The following ANO4 variants were observed in gnomAD, a reference collection of about 807,000 sequenced individuals.
ANO4 encodes anoctamin 4.
ANO4 carries 69 observed loss-of-function variants against 141.9 expected under a neutral mutation model. The observed-to-expected ratio is 0.49, with a 90% confidence interval of 0.40 to 0.59. ANO4 has a LOEUF of 0.59. Among genes scored for constraint, ANO4 ranks in the 20% least tolerant of loss-of-function variants. The probability of loss-of-function intolerance (pLI) is 0.00; values close to 1 mark genes in which losing one functional copy is unlikely to be tolerated. For missense variants in ANO4, 894 were observed against 1,162.2 expected (o/e 0.77, Z 3.36); for synonymous variants, 350 against 394.3 (o/e 0.89, Z 1.33).
chr12:101,120,699 T>C, intron 26 of ANO4, 74 bp downstream of exon 26: 1 of 1,169,546 alleles, frequency 8.6e-7, no homozygotes, highest in Non-Finnish European at 1.3e-6. Context: ...TAAAAATAAG[T>C]GATGGGGATT....
At chr12:100,997,503 C>T (rs930321295) in intron 8 of ANO4, among the ~76,000 whole-genome samples, 5 of 151,348 alleles carry the variant, frequency 3.3e-5, no homozygotes, top group African/African-American at 9.7e-5. Flanking sequence ...ATTCGAGATG[C>T]ATTAAACAGA....
intron 3 of ANO4, among the ~76,000 whole-genome samples, chr12:100,762,241 G>A (rs547591093): frequency 6.6e-6 from 1 of 152,182 alleles, no homozygotes; most frequent in South Asian, 2.1e-4. Flanking sequence ...TGAGAGGCAG[G>A]TGCAGATGCT....
chr12:100,914,178 A>G lies in ANO4; in HGVS notation c.56-8048A>G, dbSNP rs543264576. The stretch of plus-strand genomic sequence containing the variant: ...GGAACTTTTAGTGCAGGGATGCATT[A>G]TAACTTAGGAGATCATGATCTTACC... On this transcript the variant is annotated intron_variant, in intron 2 of 27. Coordinates refer to ENST00000392977, the MANE Select transcript of ANO4 (RefSeq NM_001286615.2). Among the ~76,000 whole-genome samples, 23 of 152,320 alleles carry G rather than the reference A, an allele frequency of 1.5e-4. No homozygotes were observed. The South Asian group carries it at 4.8e-3, about 32-fold the overall frequency.
At chr12:101,000,990 T>G (rs1437716108) in intron 8 of ANO4, among the ~76,000 whole-genome samples, 24 of 152,256 alleles carry the variant, frequency 1.6e-4, no homozygotes. Flanking sequence ...ATGTGCCACA[T>G]ATTGTACTAT....
intron 14 of ANO4, among the ~76,000 whole-genome samples, chr12:101,059,659 TC>T (rs1345750787): frequency 3.3e-5 from 5 of 152,228 alleles, no homozygotes; most frequent in African/African-American, 1.2e-4. Context: ...TTTTCTAGTT[TC>T]TTTGTGTAGA....
upstream of ANO4, among the ~76,000 whole-genome samples, chr12:100,793,153 G>A (rs532686014): frequency 1.3e-5 from 2 of 152,270 alleles, no homozygotes; most frequent in South Asian, 4.2e-4. Context: ...TGAAGGCAAG[G>A]ACTCATCTCT....
intron 8 of ANO4, among the ~76,000 whole-genome samples, chr12:101,015,335 C>T (rs11110626): frequency 8.9e-4 from 136 of 152,210 alleles, no homozygotes; most frequent in South Asian, 1.7e-3. Flanking sequence ...CATGTACTTC[C>T]TAATATGTGC....
intron 3 of ANO4, among the ~76,000 whole-genome samples, chr12:100,764,197 T>C (rs1317893383): frequency 6.6e-6 from 1 of 152,226 alleles, no homozygotes; most frequent in African/African-American, 2.4e-5. Context: ...TAAAAATGGT[T>C]CTCAAAGGCA....
rs202226969 is a variant in ANO4 at position 101,079,188 on chromosome 12, T to C, written c.1313-5T>C. ...AATGTCTTTGTCTTTCTCTGCTTGT[T>C]CCAGCAACAGTTTTCCTGGAGTTTT... On this transcript the variant is annotated splice_region_variant and splice_polypyrimidine_tract_variant and intron_variant, in intron 14 of 27. Coordinates refer to ENST00000392977, the MANE Select transcript of ANO4 (RefSeq NM_001286615.2). 6.2e-7 allele frequency: 1 copy of C among 1,613,574 alleles called. No homozygotes were observed. Among genetic ancestry groups the C allele is most frequent in the Non-Finnish European group, 8.5e-7 (1 of 1,179,502 alleles).
At chr12:100,928,023 C>G (rs1382146520) in intron 3 of ANO4, among the ~76,000 whole-genome samples, 2 of 152,042 alleles carry the variant, frequency 1.3e-5, no homozygotes, top group Admixed American at 1.3e-4. Flanking sequence ...GTGGTGTATA[C>G]TTTTGTGGCT....
intron 3 of ANO4, chr12:100,740,229 C>A: frequency 1.6e-6 from 1 of 627,052 alleles, no homozygotes; most frequent in Non-Finnish European, 2.9e-6. Context: ...CCCAACAATA[C>A]CTCTATGTTC....
intron 26 of ANO4, among the ~76,000 whole-genome samples, chr12:101,124,362 G>A (rs1475706329): frequency 6.6e-6 from 1 of 152,062 alleles, no homozygotes; most frequent in African/African-American, 2.4e-5. Context: ...GTAGACTCTG[G>A]ATATCAGACC....
At chr12:100,926,998 C>T (rs1027752200) in intron 3 of ANO4, among the ~76,000 whole-genome samples, 1 of 152,064 alleles carries the variant, frequency 6.6e-6, no homozygotes, top group Admixed American at 6.6e-5. Flanking sequence ...GTCTCATCTT[C>T]CTGTTTCTTT....
chr12:100,771,366 G>A (rs1419890080), intron 3 of ANO4, among the ~76,000 whole-genome samples: 1 of 152,202 alleles, frequency 6.6e-6, no homozygotes, highest in Non-Finnish European at 1.5e-5. Context: ...TAGCTGAGCT[G>A]TCAGGTGTCA....
rs145920811 is a variant in ANO4, at chr12:100,835,417, C to T, written c.-141+40390C>T. ...TTAAGGAAAATAGGAAAGCCACAGACGGTTGAAGAGCCAAGAGTTGAATCT... is the reference window on the plus strand; with the variant it reads ...TTAAGGAAAATAGGAAAGCCACAGATGGTTGAAGAGCCAAGAGTTGAATCT... On this transcript the variant is annotated intron_variant, in intron 1 of 27. Transcript: ENST00000392977. Among the ~76,000 whole-genome samples the T allele has an allele frequency of 2.5e-3, 387 of 152,148 alleles. 2 individuals are homozygous for T. The highest frequency in any genetic ancestry group is 0.018 in the East Asian group (93 of 5,162).
chr12:100,836,073 C>G (rs2036893899), intron 1 of ANO4, among the ~76,000 whole-genome samples: 1 of 152,074 alleles, frequency 6.6e-6, no homozygotes, highest in Non-Finnish European at 1.5e-5. Flanking sequence ...TTATAATATT[C>G]TGTGTGCTGA....
At chr12:100,843,416 A>G (rs1409548864) in intron 1 of ANO4, among the ~76,000 whole-genome samples, 4 of 152,154 alleles carry the variant, frequency 2.6e-5, no homozygotes, top group African/African-American at 7.2e-5. Flanking sequence ...CTCAGAAAAT[A>G]TCCTTCACAC....
At chr12:100,788,319 T>C (rs1328843201) in intron 3 of ANO4, among the ~76,000 whole-genome samples, 5 of 152,240 alleles carry the variant, frequency 3.3e-5, no homozygotes, top group Admixed American at 2.6e-4. Context: ...ATGGGATCTA[T>C]TGAACTTCCT....
At chr12:100,734,767 A>G (rs147953326) in intron 2 of ANO4, among the ~76,000 whole-genome samples, 76 of 152,354 alleles carry the variant, frequency 5.0e-4, no homozygotes, top group African/African-American at 1.7e-3. Flanking sequence ...CAAAGCATTA[A>G]TGATGAACCT....
Sources: allele counts gnomAD v4.1 joint callset (sites outside exome capture counted in the v4.1 genomes callset), GRCh38; gene constraint gnomAD v4.1.1; transcripts MANE v1.5; gene names NCBI Gene and HGNC (gene_info 2026-07-23, HGNC 2026-07-21).